Variants in COG5 observed in about 807,000 individuals in gnomAD.
COG5 encodes the protein component of oligomeric golgi complex 5.
COG5 carries 86 observed loss-of-function variants against 110.4 expected under a neutral mutation model. The ratio of observed to expected loss-of-function variants is 0.78; its 90% CI spans 0.65 to 0.93. The LOEUF is 0.93. COG5 is among the 40% of genes least tolerant of loss of function. The pLI is 0.00. For synonymous variants in COG5, 360 were observed against 334.6 expected (o/e 1.08, Z -0.83); for missense variants, 1,077 against 987.0 (o/e 1.09, Z -1.22).
In COG5 at chr7:107,427,710, G is replaced by A. The variant is rs185845923; in HGVS notation, c.539-15078C>T. Among the ~76,000 whole-genome samples, 9 of 152,086 alleles carry A rather than the reference G, an allele frequency of 5.9e-5. No homozygotes were observed. In the East Asian group the frequency reaches 1.4e-3, roughly 23 times the overall value. ...CAGCCCACTGGGCTGTGCCTTGCTC[G>A]TGCACCAGCTCAGCCTGTGGCTGGG... On this transcript the variant is annotated intron_variant, in intron 6 of 21. Coordinates refer to ENST00000297135, the MANE Select transcript of COG5 (RefSeq NM_006348.5).
At chr7:107,426,670 TCAC>T (rs1475689454) in intron 6 of COG5, among the ~76,000 whole-genome samples, 1 of 152,090 alleles carries the variant, frequency 6.6e-6, no homozygotes, top group Non-Finnish European at 1.5e-5. Context: ...CCTCCTAATA[TCAC>T]CACATTAGGA....
In COG5 at chr7:107,474,287, T is replaced by C; in HGVS notation, c.538+52950A>G. On this transcript the variant is annotated intron_variant, in intron 6 of 21. Coordinates refer to ENST00000297135, the MANE Select transcript of COG5 (RefSeq NM_006348.5). The surrounding 1 kb of genome is among the most constrained non-coding windows in gnomAD (Gnocchi z 5.7). ...ATGAAATCCAACTTAATCAACTCTG[T>C]CAGTAACATTATTACAATGAATCTT... is the stretch of plus-strand genomic sequence containing the variant. 1 of 1,611,400 alleles carries C rather than the reference T, an allele frequency of 6.2e-7. No individual in the cohort carries two copies. The highest frequency in any genetic ancestry group is 8.5e-7 in the Non-Finnish European group (1 of 1,177,756).
chr7:107,328,914 G>A (rs887188746), intron 10 of COG5, among the ~76,000 whole-genome samples: 1 of 152,028 alleles, frequency 6.6e-6, no homozygotes, highest in African/African-American at 2.4e-5. Flanking sequence ...TCCGCCTCCC[G>A]GGCTCAAGCG....
intron 7 of COG5, among the ~76,000 whole-genome samples, chr7:107,399,453 G>C (rs535853677): frequency 1.8e-4 from 28 of 152,004 alleles, no homozygotes; most frequent in Admixed American, 3.3e-4. Flanking sequence ...TAGTGAGTGA[G>C]TTTTCACCAG....
intron 6 of COG5, among the ~76,000 whole-genome samples, chr7:107,504,486 T>C (rs2129138589): frequency 6.6e-6 from 1 of 152,310 alleles, no homozygotes; most frequent in South Asian, 2.1e-4. Flanking sequence ...TTCTGAGTTT[T>C]GGTATCAGGG....
chr7:107,222,351 G>A (rs1318307417), intron 19 of COG5, among the ~76,000 whole-genome samples: 7 of 152,090 alleles, frequency 4.6e-5, no homozygotes, highest in Admixed American at 1.3e-4. Flanking sequence ...TTACAGGGGC[G>A]CATGGCACTA....
chr7:107,551,844 G>A (rs924055713), intron 3 of COG5, among the ~76,000 whole-genome samples: 6 of 152,132 alleles, frequency 3.9e-5, no homozygotes, highest in Non-Finnish European at 1.5e-5. Flanking sequence ...CTTGAACTCT[G>A]GGATCAAGTG....
intron 7 of COG5, among the ~76,000 whole-genome samples, chr7:107,393,226 A>AT (rs1194818618): frequency 1.3e-5 from 2 of 151,950 alleles, no homozygotes; most frequent in Non-Finnish European, 2.9e-5. Flanking sequence ...TTGTCTACCT[A>AT]TTTTTTCAAT....
rs183697064 is a variant in COG5 at position 107,353,161 on chromosome 7, C to T, written c.1026+8872G>A. Among the ~76,000 whole-genome samples, 104 of 152,180 alleles carry T rather than the reference C, an allele frequency of 6.8e-4. 2 individuals carry two copies. The East Asian group carries it at 0.014, about 20-fold the overall frequency. On this transcript the variant is annotated intron_variant, in intron 10 of 21. Transcript: ENST00000297135. Reference sequence around the variant, plus strand: ...AATATAGTGGCTGGGCGCGGTGGTTCACGCCTGTAATCCCAGCACTTTGGG... The same window carrying T: ...AATATAGTGGCTGGGCGCGGTGGTTTACGCCTGTAATCCCAGCACTTTGGG...
intron 11 of COG5, among the ~76,000 whole-genome samples, chr7:107,317,819 C>T (rs1808886967): frequency 6.6e-6 from 1 of 152,130 alleles, no homozygotes; most frequent in Non-Finnish European, 1.5e-5. Context: ...CCGGAATTAA[C>T]ATAGATGTTA....
intron 19 of COG5, among the ~76,000 whole-genome samples, chr7:107,227,854 G>A (rs1445165015): frequency 6.6e-6 from 1 of 152,150 alleles, no homozygotes; most frequent in African/African-American, 2.4e-5. Flanking sequence ...GACTACAGAT[G>A]TGTGCTGCCA....
intron 6 of COG5, among the ~76,000 whole-genome samples, chr7:107,447,939 T>C (rs1386941112): frequency 1.3e-5 from 2 of 152,172 alleles, no homozygotes; most frequent in African/African-American, 4.8e-5. Context: ...GTGGATCACC[T>C]GAGTTCAGGA....
chr7:107,507,473 T>G (rs1248612967), intron 6 of COG5, among the ~76,000 whole-genome samples: 24 of 147,222 alleles, frequency 1.6e-4, no homozygotes, highest in Admixed American at 6.8e-4. Flanking sequence ...TTTTGTATTT[T>G]TTTTTTTTTT....
chr7:107,486,280 G>A (rs1223002027), intron 6 of COG5, among the ~76,000 whole-genome samples: 3 of 151,782 alleles, frequency 2.0e-5, no homozygotes, highest in African/African-American at 4.8e-5. Context: ...GTGAGGTGAA[G>A]AAATCAAGTC....
In COG5 at chr7:107,527,229, A is replaced by T. The variant is rs1018824602; in HGVS notation, c.538+8T>A. The T allele has an allele frequency of 6.5e-7, 1 of 1,537,454 alleles. No homozygotes were observed. Among genetic ancestry groups the T allele is most frequent in the Non-Finnish European group, 8.7e-7 (1 of 1,143,072 alleles). On this transcript the variant is annotated splice_region_variant and intron_variant, in intron 6 of 21. Transcript: ENST00000297135. ...TAACTTTTTATTTAAAAAAAAAAAA[A>T]AACTTACCAAGTTCATTGAGACTCT...
intron 16 of COG5, among the ~76,000 whole-genome samples, chr7:107,254,413 T>C (rs575495792): frequency 6.6e-6 from 1 of 152,228 alleles, no homozygotes; most frequent in South Asian, 2.1e-4. Flanking sequence ...ACTTAATAAG[T>C]CATAACAGTT....
chr7:107,507,601 C>T (rs192823706), intron 6 of COG5, among the ~76,000 whole-genome samples: 4 of 151,838 alleles, frequency 2.6e-5, no homozygotes, highest in Admixed American at 6.6e-5. Context: ...CGACCACACC[C>T]GGCCGAAATA....
chr7:107,283,063 T>A (rs753438200), intron 13 of COG5, among the ~76,000 whole-genome samples: 1 of 152,200 alleles, frequency 6.6e-6, no homozygotes, highest in Non-Finnish European at 1.5e-5. Context: ...CTGCAGGCAT[T>A]CAGGTGGCAC....
intron 6 of COG5, among the ~76,000 whole-genome samples, chr7:107,500,487 A>G (rs904912770): frequency 6.6e-6 from 1 of 152,210 alleles, no homozygotes; most frequent in Non-Finnish European, 1.5e-5. Context: ...TAAATTCACC[A>G]TAAGATATAT....
Sources: allele counts gnomAD v4.1 joint callset (sites outside exome capture counted in the v4.1 genomes callset), GRCh38; gene constraint gnomAD v4.1.1; non-coding constraint Gnocchi (gnomAD v3.1); transcripts MANE v1.5; gene names NCBI Gene and HGNC (gene_info 2026-07-23, HGNC 2026-07-21).